The following MEGF11 variants were observed in gnomAD, a reference collection of about 807,000 sequenced individuals.
MEGF11 encodes multiple epidermal growth factor-like domains protein 11.
In MEGF11, 126 loss-of-function variants were observed where a neutral mutation model predicts 146.6. The observed-to-expected ratio is 0.86, with a 90% CI of 0.74 to 1.00. MEGF11 has a LOEUF of 1.00. Among genes scored for constraint, MEGF11 ranks in the 50% least tolerant of loss-of-function variants. The pLI is 0.00. For missense variants in MEGF11, 1,509 were observed against 1,521.2 expected (o/e 0.99, Z 0.13); for synonymous variants, 532 against 583.4 (o/e 0.91, Z 1.27).
intron 1 of MEGF11, among the ~76,000 whole-genome samples, chr15:66,130,744 G>A (rs1270013867): frequency 6.6e-6 from 1 of 151,902 alleles, no homozygotes; most frequent in African/African-American, 2.4e-5. Flanking sequence ...AAGGAAGGAA[G>A]GAAGGAAGGA....
chr15:66,023,009 C>T lies in MEGF11; in HGVS notation c.395-40521G>A, dbSNP rs146152815. On this transcript the variant is annotated intron_variant, in intron 5 of 25. Transcript: ENST00000395614. ...CTCTACTAAAAATACAAAAATTAGC[C>T]GGGTATGGTGGTGGATACCTGTAAT... Among the ~76,000 whole-genome samples the T allele has an allele frequency of 1.3e-4, 19 of 151,784 alleles. No individual in the cohort carries two copies. In the East Asian group the frequency reaches 2.9e-3, roughly 23 times the overall value.
At chr15:66,050,095 T>C (rs933440171) in intron 5 of MEGF11, among the ~76,000 whole-genome samples, 1 of 152,222 alleles carries the variant, frequency 6.6e-6, no homozygotes, top group Non-Finnish European at 1.5e-5. Context: ...GGTCTCACTG[T>C]GTTGCCCAGG....
Position 66,172,796 on chromosome 15 carries a change from T to C in MEGF11, c.-8-44385A>G, listed in dbSNP as rs370832988. ...GGAACCCTGACCAATACCTCTCATT[T>C]TACCAATGAGGAAACAGGCTCAGAC... On this transcript the variant is annotated intron_variant, in intron 1 of 25. Transcript: ENST00000395614. Among the ~76,000 whole-genome samples the C allele has an allele frequency of 7.2e-5, 11 of 152,348 alleles. No individual in the cohort carries two copies. The East Asian group carries it at 1.5e-3, about 21-fold the overall frequency.
intron 4 of MEGF11, among the ~76,000 whole-genome samples, chr15:66,117,683 G>A (rs1317942789): frequency 6.6e-6 from 1 of 151,880 alleles, no homozygotes; most frequent in South Asian, 2.1e-4. Context: ...GTCTCATTTC[G>A]CACTACTCCA....
chr15:65,915,561 C>T lies in MEGF11; in HGVS notation c.2382G>A (p.Gln794=). Residue 794 remains glutamine (Q), a synonymous_variant, in exon 19 of 26, where the codon CAG becomes CAA. Transcript: ENST00000395614. ...TGGAGTTGTTCATGCACTCACATAGCTGCTGACACCCATAGCCAAAGGTTC... is the reference window on the plus strand; with the variant it reads ...TGGAGTTGTTCATGCACTCACATAGTTGCTGACACCCATAGCCAAAGGTTC... The part of the protein sequence containing the change: ...APGTFGYGCQ[Q]LCECMNNSTC... The T allele has an allele frequency of 1.2e-6, 2 of 1,613,978 alleles. No individual in the cohort carries two copies. Among genetic ancestry groups the T allele is most frequent in the Non-Finnish European group, 1.7e-6 (2 of 1,179,878 alleles).
chr15:66,053,471 G>C (rs944161534), intron 5 of MEGF11, among the ~76,000 whole-genome samples: 1 of 152,060 alleles, frequency 6.6e-6, no homozygotes, highest in African/African-American at 2.4e-5. Context: ...GGGGAATGGG[G>C]TTATCATTAT....
At chr15:66,141,233 GGT>G (rs572801225) in intron 1 of MEGF11, among the ~76,000 whole-genome samples, 13,057 of 95,216 alleles carry the variant, frequency 0.14, 890 homozygotes, top group Middle Eastern at 0.21. Flanking sequence ...CAGACTCAGG[GGT>G]GTGTGTGTGT....
chr15:66,091,413 A>T lies in MEGF11; in HGVS notation c.394+2989T>A, dbSNP rs558521477. On this transcript the variant is annotated intron_variant, in intron 5 of 25. Coordinates refer to ENST00000395614, the MANE Select transcript of MEGF11 (RefSeq NM_001385028.1). ...CAACCATGTTTTCTCATGACAGATC[A>T]ATTTCAACCTTGGACTATATTAACA... Among the ~76,000 whole-genome samples, 67 of 152,344 alleles carry T rather than the reference A, an allele frequency of 4.4e-4. 2 individuals are homozygous for T. The South Asian group carries it at 0.014, about 31-fold the overall frequency.
intron 4 of MEGF11, among the ~76,000 whole-genome samples, chr15:66,114,716 C>T (rs1383445963): frequency 1.4e-5 from 2 of 141,706 alleles, no homozygotes; most frequent in Non-Finnish European, 3.1e-5. Flanking sequence ...ACCTGGTGAC[C>T]AAAGTGGGCC....
At position 65,982,360 on chromosome 15, in the gene MEGF11, G is replaced by A; in HGVS notation, c.523C>T (p.Leu175Phe). 2 of 1,534,598 alleles carry A rather than the reference G, an allele frequency of 1.3e-6. No individual in the cohort carries two copies. Residue 175 changes from leucine (L) to phenylalanine (F), a missense_variant, in exon 6 of 26, where the codon CTC (leucine) becomes TTC (phenylalanine). Physicochemically the swap from Leu to Phe is conservative, Grantham distance 22. Coordinates refer to ENST00000395614, the MANE Select transcript of MEGF11 (RefSeq NM_001385028.1). The surrounding 1 kb of genome is among the most constrained non-coding windows in gnomAD (Gnocchi z 5.6). ...TTGCCGTGGGTGCCAGGTGCGCAGA[G>A]CTCCTCGCAGCGCCATCCACGGAAG... Reference protein sequence around the residue: ...AGFRGWRCEELCAPGTHGKGC... With the variant: ...AGFRGWRCEEFCAPGTHGKGC...
chr15:66,226,896 G>C (rs1269661689), intron 1 of MEGF11, among the ~76,000 whole-genome samples: 1 of 152,138 alleles, frequency 6.6e-6, no homozygotes, highest in African/African-American at 2.4e-5. Flanking sequence ...GCCCGCTGGG[G>C]CTTCAGGCTC....
chr15:66,150,825 AG>A (rs2089542779), intron 1 of MEGF11, among the ~76,000 whole-genome samples: 1 of 3,742 alleles, frequency 2.7e-4, no homozygotes, highest in Non-Finnish European at 5.5e-4. Context: ...TGCCCTGTCG[AG>A]AGAGAGAGAG....
At chr15:66,129,957 G>A (rs1026688108) in intron 1 of MEGF11, among the ~76,000 whole-genome samples, 20 of 152,288 alleles carry the variant, frequency 1.3e-4, no homozygotes, top group African/African-American at 4.6e-4. Flanking sequence ...AAAGAGGGGA[G>A]CGATTCTGGT....
At chr15:66,068,644 T>C (rs2085240893) in intron 5 of MEGF11, among the ~76,000 whole-genome samples, 1 of 152,168 alleles carries the variant, frequency 6.6e-6, no homozygotes, top group South Asian at 2.1e-4. Flanking sequence ...CTGGCCCTTG[T>C]CTTTCATGGC....
At chr15:65,935,326 A>G (rs1054334679) in intron 10 of MEGF11, among the ~76,000 whole-genome samples, 1 of 62,018 alleles carries the variant, frequency 1.6e-5, no homozygotes, top group African/African-American at 7.3e-5. Context: ...TCTCAAGAAA[A>G]AAAAAAAAAA....
intron 1 of MEGF11, among the ~76,000 whole-genome samples, chr15:66,187,552 C>T (rs919219493): frequency 1.3e-5 from 2 of 152,230 alleles, no homozygotes; most frequent in Admixed American, 1.3e-4. Context: ...CTCATTCCAG[C>T]AGGAAGGCTC....
chr15:66,049,351 G>A (rs924848393), intron 5 of MEGF11, among the ~76,000 whole-genome samples: 4 of 152,174 alleles, frequency 2.6e-5, no homozygotes, highest in Non-Finnish European at 5.9e-5. Context: ...TAGGGGGAGA[G>A]GTGACAAAGG....
chr15:66,006,362 T>A (rs2082521048), intron 5 of MEGF11, among the ~76,000 whole-genome samples: 1 of 152,226 alleles, frequency 6.6e-6, no homozygotes, highest in Non-Finnish European at 1.5e-5. Flanking sequence ...GCTAAAGCAG[T>A]GCTGGCCTAG....
chr15:66,143,876 G>A (rs1330845849), intron 1 of MEGF11, among the ~76,000 whole-genome samples: 3 of 152,158 alleles, frequency 2.0e-5, no homozygotes, highest in East Asian at 1.9e-4. Context: ...TGAGGACCCC[G>A]AGGTGGGACT....
Sources: gnomAD v4.1 joint callset for allele counts (sites outside exome capture counted in the v4.1 genomes callset) on GRCh38, gnomAD v4.1.1 for gene constraint, Gnocchi (gnomAD v3.1) non-coding constraint, MANE v1.5 for transcripts, NCBI Gene and HGNC (gene_info 2026-07-23, HGNC 2026-07-21) for gene names.